The following PLEKHG6 variants were observed in gnomAD, a reference collection of about 807,000 sequenced individuals.
PLEKHG6 encodes pleckstrin homology domain-containing family G member 6.
Under a neutral mutation model 97.5 loss-of-function variants are expected in PLEKHG6, and 91 were observed. The observed-to-expected ratio is 0.93, with a 90% CI of 0.79 to 1.11. PLEKHG6 has a LOEUF of 1.11. PLEKHG6 is among the 50% of genes most tolerant of loss of function. The pLI is 0.00. For missense variants in PLEKHG6, 1,044 were observed against 1,031.0 expected (o/e 1.01, Z -0.17); for synonymous variants, 466 against 425.5 (o/e 1.10, Z -1.17).
intron 2 of PLEKHG6, 60 bp downstream of exon 2, chr12:6,312,424 T>A: frequency 6.7e-7 from 1 of 1,497,796 alleles, no homozygotes; most frequent in Non-Finnish European, 9.0e-7. Context: ...ACACCTAGGC[T>A]GTGGAGTCTC....
intron 13 of PLEKHG6, among the ~76,000 whole-genome samples, chr12:6,321,820 C>T: frequency 7.0e-5 from 1 of 14,344 alleles, no homozygotes; most frequent in Non-Finnish European, 1.5e-4. Flanking sequence ...GAGCGAGACT[C>T]TGTCTTAAAA....
Position 6,318,410 on chromosome 12 carries a change from G to T in PLEKHG6, c.1265G>T (p.Arg422Leu). Residue 422 changes from arginine to leucine, a missense_variant, in exon 11 of 16, where the codon CGA (arginine) becomes CTA (leucine). Coordinates refer to ENST00000684764, the MANE Select transcript of PLEKHG6 (RefSeq NM_001384598.1). ...GGGCCTGTGCGAGTGAAGGAGGGAC[G>T]AGAAGGGAAGGTGAGGGTGCTGCGG... ...LEGPVRVKEG[R>L]EGKLDVYLFL... 6.2e-7 allele frequency: 1 copy of T among 1,608,938 alleles called. No individual in the cohort carries two copies. The highest frequency in any genetic ancestry group is 1.1e-5 in the South Asian group (1 of 90,360).
intron 2 of PLEKHG6, 33 bp from the exon 3 acceptor site, chr12:6,313,596 G>T (rs770118400): frequency 2.5e-6 from 4 of 1,611,296 alleles, no homozygotes; most frequent in Non-Finnish European, 2.5e-6. Context: ...GGAAAGGGAG[G>T]CACCCCCAGA....
rs1390983056 is a variant in PLEKHG6 at position 6,313,062 on chromosome 12, G to A, written c.139-567G>A. On this transcript the variant is annotated intron_variant, in intron 2 of 15. Coordinates refer to ENST00000684764, the MANE Select transcript of PLEKHG6 (RefSeq NM_001384598.1). The stretch of plus-strand genomic sequence containing the variant: ...TAATTCAGGCCACAGGCAAATGAAG[G>A]AATGTGACCAGGCCTGCCCTGGGAG... 5.9e-6 allele frequency: 9 copies of A among 1,517,350 alleles called. No individual in the cohort carries two copies. The Admixed American group carries it at 1.2e-4, about 20-fold the overall frequency. 94.0% of individuals were successfully genotyped at this position (1,517,350 alleles called of 1,614,324 possible). A position where few individuals can be genotyped will look rare whatever the true frequency, so the allele number is the denominator to read the frequency against.
chr12:6,317,438 G>C (rs769145952), intron 8 of PLEKHG6, 25 bp downstream of exon 8: 1 of 1,609,276 alleles, frequency 6.2e-7, no homozygotes, highest in Non-Finnish European at 8.5e-7. Context: ...GCTGGGGAGG[G>C]GGACGGGTGC....
Position 6,328,279 on chromosome 12 carries a change from C to A in PLEKHG6, c.*134C>A. 1 of 818,128 alleles carries A rather than the reference C, an allele frequency of 1.2e-6. No homozygotes were observed. Among genetic ancestry groups the A allele is most frequent in the Non-Finnish European group, 2.1e-6 (1 of 486,014 alleles). The allele number at this position is 818,128 out of a possible 1,614,324, so 50.7% of individuals were successfully genotyped here. A position where few individuals can be genotyped will look rare whatever the true frequency, so the allele number is the denominator to read the frequency against. ...AAGGAAGCCTGGCCCAGGCACCCTG[C>A]CTCCTGCTCTGTTTGGGGATCAAGA... On this transcript the variant is annotated 3_prime_UTR_variant, in exon 16 of 16. Transcript: ENST00000684764.
intron 1 of PLEKHG6, among the ~76,000 whole-genome samples, chr12:6,311,567 T>C (rs1186294164): frequency 6.6e-6 from 1 of 152,240 alleles, no homozygotes; most frequent in Non-Finnish European, 1.5e-5. Flanking sequence ...AAACTGTGTT[T>C]ATGGACACTG....
intron 3 of PLEKHG6, among the ~76,000 whole-genome samples, chr12:6,314,213 G>A (rs1017241912): frequency 3.3e-5 from 5 of 152,098 alleles, no homozygotes; most frequent in Admixed American, 6.6e-5. Flanking sequence ...AAAGAAACCT[G>A]TAAAATGGGC....
rs11064139 is a variant in PLEKHG6 at position 6,319,835 on chromosome 12, T to G, written c.1524+727T>G. ...TCAAGGCCTAGGTGCTGCAGCCTGG[T>G]TGAGTAATTAGTATACAAACAATAG... On this transcript the variant is annotated intron_variant, in intron 13 of 15. Transcript: ENST00000684764. The G allele has an allele frequency of 9.8e-4, 188 of 191,552 alleles. 2 individuals are homozygous for G. The highest frequency in any genetic ancestry group is 4.3e-3 in the African/African-American group (181 of 42,182). 11.9% of individuals were successfully genotyped at this position (191,552 alleles called of 1,614,324 possible). A position where few individuals can be genotyped will look rare whatever the true frequency, so the allele number is the denominator to read the frequency against.
intron 2 of PLEKHG6, chr12:6,313,317 G>A (rs944729937): frequency 1.0e-4 from 95 of 911,966 alleles, no homozygotes; most frequent in African/African-American, 7.2e-4. Context: ...AGGCAGTGGG[G>A]GCACACACAC....
rs764653403 is a variant in PLEKHG6 at position 6,318,640 on chromosome 12, G to A, written c.1276-105G>A. On this transcript the variant is annotated intron_variant, in intron 11 of 15. Coordinates refer to ENST00000684764, the MANE Select transcript of PLEKHG6 (RefSeq NM_001384598.1). The stretch of plus-strand genomic sequence containing the variant: ...GGCCACTCCCGCATTTGGGCTCTGC[G>A]TGTGTCCCTGTGTGCCTGCGCACCA... The A allele has an allele frequency of 2.9e-5, 38 of 1,319,562 alleles. 2 individuals carry two copies. Among genetic ancestry groups the A allele is most frequent in the South Asian group, 5.1e-5 (4 of 77,724 alleles). The allele number at this position is 1,319,562 out of a possible 1,614,324, so 81.7% of individuals were successfully genotyped here.
chr12:6,323,087 GT>G (rs778204202), intron 13 of PLEKHG6, among the ~76,000 whole-genome samples: 40 of 151,476 alleles, frequency 2.6e-4, no homozygotes, highest in Non-Finnish European at 4.6e-4. Flanking sequence ...CTTTTTTTTG[GT>G]TTTTAGTCAC....
At position 6,318,976 on chromosome 12, in the gene PLEKHG6, T is replaced by C; in HGVS notation, c.1409-17T>C. ...CAAATAAAGGCTGGCCTCTTGAAGG[T>C]TGTCTCCTCCATCCAGACAGCTTCC... On this transcript the variant is annotated splice_polypyrimidine_tract_variant and intron_variant, in intron 12 of 15. Transcript: ENST00000684764. 6.2e-7 allele frequency: 1 copy of C among 1,612,444 alleles called. No individual in the cohort carries two copies. Among genetic ancestry groups the C allele is most frequent in the Non-Finnish European group, 8.5e-7 (1 of 1,178,576 alleles).
rs372405471 is a variant in PLEKHG6, at chr12:6,315,526, A to T, written c.460-28A>T. ...CTTGCCATTCTAATTATCATTCCCC[A>T]ACTGAACCAGCATTCTCCCCACCCC... On this transcript the variant is annotated intron_variant, in intron 4 of 15. Coordinates refer to ENST00000684764, the MANE Select transcript of PLEKHG6 (RefSeq NM_001384598.1). This position sits in a 1 kb window ranked among gnomAD's most constrained non-coding sequence, Gnocchi z 4.5. 1 of 1,391,082 alleles carries T rather than the reference A, an allele frequency of 7.2e-7. No individual in the cohort carries two copies. The highest frequency in any genetic ancestry group is 9.9e-7 in the Non-Finnish European group (1 of 1,012,784). 86.2% of individuals were successfully genotyped at this position (1,391,082 alleles called of 1,614,324 possible).
intron 13 of PLEKHG6, among the ~76,000 whole-genome samples, chr12:6,322,519 C>T (rs979830298): frequency 6.6e-6 from 1 of 152,204 alleles, no homozygotes; most frequent in African/African-American, 2.4e-5. Context: ...ACCACTTCCA[C>T]CTAAGCCTAA....
chr12:6,321,402 C>T, intron 13 of PLEKHG6, among the ~76,000 whole-genome samples: 1 of 151,970 alleles, frequency 6.6e-6, no homozygotes, highest in East Asian at 1.9e-4. Flanking sequence ...TAGCAGTGTG[C>T]TGGGTGGGCT....
Position 6,319,109 on chromosome 12 carries a change from G to T in PLEKHG6, c.1524+1G>T. The T allele has an allele frequency of 6.3e-7, 1 of 1,598,726 alleles. No individual in the cohort carries two copies. The highest frequency in any genetic ancestry group is 8.6e-7 in the Non-Finnish European group (1 of 1,168,292). On this transcript the variant is annotated splice_donor_variant, in intron 13 of 15. Transcript: ENST00000684764. LOFTEE classifies it high-confidence loss of function. ...GCTGGAGAAGACCCAGCAGGCCCAG[G>T]TATGGGAAAGCCAGCAACGGGGAGG...
At chr12:6,321,307 C>A (rs1947692942) in intron 13 of PLEKHG6, among the ~76,000 whole-genome samples, 2 of 151,664 alleles carry the variant, frequency 1.3e-5, no homozygotes, top group Admixed American at 6.6e-5. Flanking sequence ...CAGGCGTGAG[C>A]CACCGTGCAT....
At chr12:6,313,081 C>T (rs1947328484) in intron 2 of PLEKHG6, 18 of 1,530,120 alleles carry the variant, frequency 1.2e-5, no homozygotes, top group Non-Finnish European at 1.6e-5. Context: ...CAGGCCTGCC[C>T]TGGGAGGAGC....
Sources: gnomAD v4.1 joint callset for allele counts (sites outside exome capture counted in the v4.1 genomes callset) on GRCh38, gnomAD v4.1.1 for gene constraint, Gnocchi (gnomAD v3.1) non-coding constraint, MANE v1.5 for transcripts, NCBI Gene and HGNC (gene_info 2026-07-23, HGNC 2026-07-21) for gene names.